CCDC88A: variants seen among roughly 807,000 people sequenced by gnomAD.
CCDC88A encodes the protein coiled-coil and HOOK domain protein 88A.
CCDC88A carries 54 observed loss-of-function variants against 234.3 expected under a neutral mutation model. The observed-to-expected ratio is 0.23, with a 90% CI of 0.19 to 0.29. The LOEUF is 0.29. Ranked by LOEUF, CCDC88A falls within the 10% of genes least tolerant of loss-of-function variation. The probability of loss-of-function intolerance (pLI) is 1.00; values close to 1 mark genes in which losing one functional copy is unlikely to be tolerated. For missense variants in CCDC88A, 1,832 were observed against 2,123.4 expected (o/e 0.86, Z 2.70); for synonymous variants, 753 against 737.8 (o/e 1.02, Z -0.33).
At chr2:55,344,272 A>G in intron 11 of CCDC88A, 96 bp downstream of exon 11, 1 of 780,510 alleles carries the variant, frequency 1.3e-6, no homozygotes, top group Non-Finnish European at 1.9e-6. Context: ...TTAAAGCCTC[A>G]AGGACACTAG....
intron 3 of CCDC88A, among the ~76,000 whole-genome samples, chr2:55,380,009 A>T (rs1379117085): frequency 7.2e-6 from 1 of 138,988 alleles, no homozygotes; most frequent in Non-Finnish European, 1.5e-5. Flanking sequence ...GGATCACTTG[A>T]GGCCAGGAGT....
rs536826496 is a variant in CCDC88A at position 55,306,444 on chromosome 2, C to G, written c.4387+2365G>C. On this transcript the variant is annotated intron_variant, in intron 25 of 32. Coordinates refer to ENST00000436346, the MANE Select transcript of CCDC88A (RefSeq NM_001365480.1). ...TAAAACTGCTTGACACACACACACA[C>G]ACGTACATATACATATATGTGTGTA... Among the ~76,000 whole-genome samples the G allele has an allele frequency of 2.0e-5, 3 of 152,008 alleles. No homozygotes were observed. In the South Asian group the frequency reaches 6.2e-4, roughly 32 times the overall value.
At chr2:55,382,424 T>C (rs1189041101) in intron 3 of CCDC88A, among the ~76,000 whole-genome samples, 4 of 152,176 alleles carry the variant, frequency 2.6e-5, no homozygotes, top group South Asian at 2.1e-4. Flanking sequence ...TTAGTGGTGT[T>C]TGAACAACAA....
At position 55,367,748 on chromosome 2, in the gene CCDC88A, T is replaced by C. The variant is rs534265198; in HGVS notation, c.403-3715A>G. On this transcript the variant is annotated intron_variant, in intron 5 of 32. Transcript: ENST00000436346. ...TTACAGATCATTGATAAGTAAACAATAGATTGTAGCCATCAAACTAACCAA... is the reference window on the plus strand; with the variant it reads ...TTACAGATCATTGATAAGTAAACAACAGATTGTAGCCATCAAACTAACCAA... Among the ~76,000 whole-genome samples, 35 of 152,080 alleles carry C rather than the reference T, an allele frequency of 2.3e-4. No homozygotes were observed. The South Asian group carries it at 7.1e-3, about 31-fold the overall frequency.
intron 5 of CCDC88A, among the ~76,000 whole-genome samples, chr2:55,369,398 C>T (rs1332605455): frequency 6.6e-6 from 1 of 151,616 alleles, no homozygotes; most frequent in African/African-American, 2.4e-5. Context: ...TGTAAACTCT[C>T]CAGTCTAATA....
chr2:55,373,891 T>C (rs1300617826), intron 4 of CCDC88A, among the ~76,000 whole-genome samples: 1 of 152,218 alleles, frequency 6.6e-6, no homozygotes, highest in Non-Finnish European at 1.5e-5. Context: ...GGATAACATG[T>C]AGACTGTAAG....
chr2:55,295,457 C>T (rs570868441), intron 31 of CCDC88A, 140 bp downstream of exon 31: 22 of 1,563,246 alleles, frequency 1.4e-5, no homozygotes, highest in African/African-American at 9.5e-5. Flanking sequence ...GAAAATGTGA[C>T]CTTCCTGTTC....
chr2:55,332,402 G>A lies in CCDC88A; in HGVS notation c.2855+164C>T. On this transcript the variant is annotated intron_variant, in intron 16 of 32. Coordinates refer to ENST00000436346, the MANE Select transcript of CCDC88A (RefSeq NM_001365480.1). The surrounding 1 kb of genome is among the most constrained non-coding windows in gnomAD (Gnocchi z 4.5). ...CTCCCAAAGTGCTGGGATTATAGGT[G>A]TGAGCCACCGCACCCGGCTACAGAA... is the stretch of plus-strand genomic sequence containing the variant. The A allele has an allele frequency of 8.0e-7, 1 of 1,257,524 alleles. No individual in the cohort carries two copies. The highest frequency in any genetic ancestry group is 1.5e-5 in the African/African-American group (1 of 65,128). The allele number at this position is 1,257,524 out of a possible 1,614,324, so 77.9% of individuals were successfully genotyped here.
intron 2 of CCDC88A, among the ~76,000 whole-genome samples, chr2:55,396,827 G>A (rs953306592): frequency 2.3e-5 from 3 of 127,750 alleles, no homozygotes; most frequent in African/African-American, 9.1e-5. Context: ...CCGAGATCAC[G>A]CCACTGCACT....
chr2:55,375,501 ATATATATATATG>A (rs1673512313), intron 3 of CCDC88A, among the ~76,000 whole-genome samples: 1 of 24,662 alleles, frequency 4.1e-5, no homozygotes, highest in Non-Finnish European at 1.4e-4. Context: ...ATATATATAT[ATATATATATATG>A]TATGTATGTA....
intron 8 of CCDC88A, among the ~76,000 whole-genome samples, chr2:55,355,009 A>G (rs946569011): frequency 6.6e-6 from 1 of 150,574 alleles, no homozygotes; most frequent in Non-Finnish European, 1.5e-5. Context: ...TTTCAGCACC[A>G]TTGTAATGTT....
chr2:55,300,209 T>A (rs1394670582), intron 28 of CCDC88A: 2 of 329,816 alleles, frequency 6.1e-6, no homozygotes, highest in African/African-American at 4.2e-5. Flanking sequence ...TAGAATGACA[T>A]ATCCCCCCAG....
intron 16 of CCDC88A, among the ~76,000 whole-genome samples, chr2:55,330,539 A>C (rs1184164258): frequency 2.0e-5 from 3 of 152,166 alleles, no homozygotes; most frequent in Non-Finnish European, 4.4e-5. Context: ...ACTGATATAC[A>C]TAAATCCCAA....
intron 2 of CCDC88A, among the ~76,000 whole-genome samples, chr2:55,389,769 G>A (rs1028663205): frequency 1.3e-5 from 2 of 151,820 alleles, no homozygotes; most frequent in East Asian, 1.9e-4. Flanking sequence ...GGTAGGGCAC[G>A]GTGACTCACG....
At position 55,374,841 on chromosome 2, in the gene CCDC88A, A is replaced by G. The variant is rs866138534; in HGVS notation, c.316T>C (p.Leu106=). Reference sequence around the variant, plus strand: ...GAAAAGGGATTTTTGCCAATGATTAAGACATTTGGCAACGACATCATGATC... The same window carrying G: ...GAAAAGGGATTTTTGCCAATGATTAGGACATTTGGCAACGACATCATGATC... ...QLIMMSLPNV[L]IIGKNPFSEQ... Residue 106 remains leucine, a synonymous_variant, in exon 4 of 33, where the codon TTA becomes CTA. Coordinates refer to ENST00000436346, the MANE Select transcript of CCDC88A (RefSeq NM_001365480.1). 1 of 1,608,670 alleles carries G rather than the reference A, an allele frequency of 6.2e-7. No homozygotes were observed. Among genetic ancestry groups the G allele is most frequent in the Non-Finnish European group, 8.5e-7 (1 of 1,175,912 alleles).
At chr2:55,301,392 CTT>C (rs1680881858) in intron 27 of CCDC88A, 115 bp from the exon 28 acceptor site, 2 of 562,168 alleles carry the variant, frequency 3.6e-6, no homozygotes, top group Admixed American at 3.6e-5. Flanking sequence ...TACAGATTGA[CTT>C]AACATATTTC....
Position 55,367,340 on chromosome 2 carries a change from A to T in CCDC88A, c.403-3307T>A, listed in dbSNP as rs190289801. ...GGATGGTGGTAATGGTTACACAACA[A>T]TGTGAATGTACAGCAATCAGAATAC... On this transcript the variant is annotated intron_variant, in intron 5 of 32. Coordinates refer to ENST00000436346, the MANE Select transcript of CCDC88A (RefSeq NM_001365480.1). 2.6e-5 allele frequency among the ~76,000 whole-genome samples: 4 copies of T among 152,218 alleles called. No homozygotes were observed. The East Asian group carries it at 7.7e-4, about 29-fold the overall frequency.
chr2:55,292,563 A>G (rs1372015408), intron 31 of CCDC88A: 1 of 152,204 alleles, frequency 6.6e-6, no homozygotes, highest in Non-Finnish European at 1.5e-5. Context: ...TTGATTCCAA[A>G]TGCTATGAAA....
At chr2:55,362,911 A>C (rs1183413631) in intron 6 of CCDC88A, among the ~76,000 whole-genome samples, 1 of 151,966 alleles carries the variant, frequency 6.6e-6, no homozygotes, top group East Asian at 1.9e-4. Flanking sequence ...GAAGCTTAGG[A>C]GAAAGGATTA....
Sources: gnomAD v4.1 joint callset for allele counts (sites outside exome capture counted in the v4.1 genomes callset) on GRCh38, gnomAD v4.1.1 for gene constraint, Gnocchi (gnomAD v3.1) non-coding constraint, MANE v1.5 for transcripts, NCBI Gene and HGNC (gene_info 2026-07-23, HGNC 2026-07-21) for gene names.